CORO2B: variants seen among roughly 807,000 people sequenced by gnomAD.
The protein encoded by CORO2B is coronin 2B, also known as coronin-2B.
CORO2B carries 26 observed loss-of-function variants against 58.8 expected under a neutral mutation model. That is an observed-to-expected ratio of 0.44 (90% CI 0.32 to 0.61). The LOEUF is 0.61. Among genes scored for constraint, CORO2B ranks in the 20% least tolerant of loss-of-function variants. The probability of loss-of-function intolerance (pLI) is 0.04; values close to 1 mark genes in which losing one functional copy is unlikely to be tolerated. For missense variants in CORO2B, 460 were observed against 645.1 expected (o/e 0.71, Z 3.11); for synonymous variants, 242 against 253.8 (o/e 0.95, Z 0.44).
chr15:68,719,398 C>T lies in CORO2B; in HGVS notation c.1172-15C>T, dbSNP rs776792994. On this transcript the variant is annotated splice_polypyrimidine_tract_variant and intron_variant, in intron 10 of 11. Transcript: ENST00000261861. Reference sequence around the variant, plus strand: ...ATGGGATCGTCAGTGAGAGCGTTTCCCTTGCCTTCTTTAGATCCCGTGCTG... The same window carrying T: ...ATGGGATCGTCAGTGAGAGCGTTTCTCTTGCCTTCTTTAGATCCCGTGCTG... The T allele has an allele frequency of 1.4e-5, 22 of 1,612,744 alleles. No individual in the cohort carries two copies. Among genetic ancestry groups the T allele is most frequent in the Non-Finnish European group, 1.9e-5 (22 of 1,179,452 alleles).
At chr15:68,684,057 A>T (rs543085196) in intron 2 of CORO2B, among the ~76,000 whole-genome samples, 2 of 152,300 alleles carry the variant, frequency 1.3e-5, no homozygotes, top group East Asian at 3.9e-4. Context: ...ATTAGGCAAC[A>T]GTGTGTAAGG....
At chr15:68,681,342 A>G (rs1204688221) in intron 2 of CORO2B, among the ~76,000 whole-genome samples, 1 of 152,154 alleles carries the variant, frequency 6.6e-6, no homozygotes, top group African/African-American at 2.4e-5. Context: ...AGAAGCCCAG[A>G]GGAGCAGGCC....
intron 8 of CORO2B, among the ~76,000 whole-genome samples, chr15:68,717,748 C>T (rs1893065911): frequency 6.6e-6 from 1 of 152,208 alleles, no homozygotes; most frequent in Non-Finnish European, 1.5e-5. Context: ...ACCATTTCAC[C>T]CCTTACCTCC....
chr15:68,649,132 C>T (rs1040530423), intron 2 of CORO2B, among the ~76,000 whole-genome samples: 1 of 152,138 alleles, frequency 6.6e-6, no homozygotes, highest in African/African-American at 2.4e-5. Flanking sequence ...TATGATCACA[C>T]TTTGTAAACA....
chr15:68,630,505 G>T (rs1294879589), intron 1 of CORO2B, among the ~76,000 whole-genome samples: 1 of 152,022 alleles, frequency 6.6e-6, no homozygotes, highest in African/African-American at 2.4e-5. Context: ...AAATAGCAAA[G>T]TTCTTTGCTG....
At chr15:68,533,130 A>G in the CORO2B span, among the ~76,000 whole-genome samples, 2 of 152,226 alleles carry the variant, frequency 1.3e-5, no homozygotes, top group Non-Finnish European at 2.9e-5. Context: ...CCTGCACCAC[A>G]ATCCAGAATG....
chr15:68,679,856 A>G (rs1010127628), intron 2 of CORO2B, among the ~76,000 whole-genome samples: 3 of 152,192 alleles, frequency 2.0e-5, no homozygotes, highest in African/African-American at 7.2e-5. Flanking sequence ...TTTCAAGGCC[A>G]TAGATTCCCA....
At chr15:68,535,261 G>C in the CORO2B span, among the ~76,000 whole-genome samples, 7 of 152,208 alleles carry the variant, frequency 4.6e-5, no homozygotes, top group African/African-American at 1.7e-4. Context: ...CCTATGTTCT[G>C]CCTCAACGCT....
chr15:68,554,343 C>T, the CORO2B span, among the ~76,000 whole-genome samples: 1 of 152,112 alleles, frequency 6.6e-6, no homozygotes, highest in Non-Finnish European at 1.5e-5. Context: ...ATTTCCTACC[C>T]AAGCTCTGCT....
intron 1 of CORO2B, among the ~76,000 whole-genome samples, chr15:68,637,324 C>G (rs1279149989): frequency 6.6e-6 from 1 of 152,240 alleles, no homozygotes. Context: ...GGCTGGTTCC[C>G]TCTGCTCCTC....
chr15:68,708,710 C>T (rs1002898835), intron 3 of CORO2B, among the ~76,000 whole-genome samples: 11 of 151,706 alleles, frequency 7.3e-5, no homozygotes, highest in Admixed American at 5.2e-4. Flanking sequence ...GACAGAGTCT[C>T]GCTCTGTTGC....
At chr15:68,594,045 C>T (rs964179520) in intron 1 of CORO2B, among the ~76,000 whole-genome samples, 1 of 152,062 alleles carries the variant, frequency 6.6e-6, no homozygotes, top group Admixed American at 6.5e-5. Flanking sequence ...GTCAGAATCC[C>T]GTCAGCAATG....
Position 68,726,302 on chromosome 15 carries a change from A to T in CORO2B, c.*328A>T, listed in dbSNP as rs1349996645. ...CAGTGGACCAGGAAGCAAGAGGGGA[A>T]GCGGGATCCCAGCTAGACTTAGAAC... is the stretch of plus-strand genomic sequence containing the variant. On this transcript the variant is annotated 3_prime_UTR_variant, in exon 12 of 12. Coordinates refer to ENST00000261861, the MANE Select transcript of CORO2B (RefSeq NM_006091.5). 1 of 339,532 alleles carries T rather than the reference A, an allele frequency of 2.9e-6. No individual in the cohort carries two copies. The highest frequency in any genetic ancestry group is 9.5e-5 in the East Asian group (1 of 10,472). The allele number at this position is 339,532 out of a possible 1,614,324, so 21.0% of individuals were successfully genotyped here.
chr15:68,578,087 T>C (rs1345239174), upstream of CORO2B, among the ~76,000 whole-genome samples: 1 of 152,190 alleles, frequency 6.6e-6, no homozygotes, highest in African/African-American at 2.4e-5. This position sits in a 1 kb window ranked among gnomAD's most constrained non-coding sequence, Gnocchi z 4.2. Flanking sequence ...GGGAGACTCC[T>C]TTCTCAAGAC....
the CORO2B span, chr15:68,559,605 G>A: frequency 7.1e-6 from 7 of 985,278 alleles, no homozygotes; most frequent in African/African-American, 8.7e-5. This position sits in a 1 kb window ranked among gnomAD's most constrained non-coding sequence, Gnocchi z 4.3. Context: ...CGGAACAAGC[G>A]TGCTGATGGT....
intron 2 of CORO2B, among the ~76,000 whole-genome samples, chr15:68,672,460 G>T (rs943961151): frequency 2.0e-5 from 3 of 151,898 alleles, no homozygotes; most frequent in Admixed American, 1.3e-4. Context: ...TTTTGTGTGT[G>T]TACAGATGGG....
In CORO2B at chr15:68,720,862, A is replaced by G. The variant is rs554293353; in HGVS notation, c.1311+1310A>G. Among the ~76,000 whole-genome samples the G allele has an allele frequency of 7.9e-5, 12 of 152,256 alleles. No individual in the cohort carries two copies. The East Asian group carries it at 2.3e-3, about 29-fold the overall frequency. ...TAAAATGGGAGCCATCTTAAACTAG[A>G]CAGTCTATACCACCAACTTATGCTA... is the stretch of plus-strand genomic sequence containing the variant. On this transcript the variant is annotated intron_variant, in intron 11 of 11. Coordinates refer to ENST00000261861, the MANE Select transcript of CORO2B (RefSeq NM_006091.5).
intron 5 of CORO2B, among the ~76,000 whole-genome samples, chr15:68,713,021 G>A (rs139931663): frequency 4.2e-4 from 64 of 152,250 alleles, no homozygotes; most frequent in African/African-American, 1.5e-3. Flanking sequence ...TATGTGCACT[G>A]CCCCATTGGC....
At chr15:68,573,279 A>C in the CORO2B span, among the ~76,000 whole-genome samples, 1 of 152,204 alleles carries the variant, frequency 6.6e-6, no homozygotes, top group Non-Finnish European at 1.5e-5. Flanking sequence ...AAAGAGAGAA[A>C]GAGACTAGCA....
Sources: allele counts gnomAD v4.1 joint callset (sites outside exome capture counted in the v4.1 genomes callset), GRCh38; gene constraint gnomAD v4.1.1; non-coding constraint Gnocchi (gnomAD v3.1); transcripts MANE v1.5; gene names NCBI Gene and HGNC (gene_info 2026-07-23, HGNC 2026-07-21).